The following RSF1 variants were observed in gnomAD, a reference collection of about 807,000 sequenced individuals.
RSF1 encodes HBV pX-associated protein 8.
In RSF1, 13 loss-of-function variants were observed where a neutral mutation model predicts 145.2. The ratio of observed to expected loss-of-function variants is 0.09; its 90% CI spans 0.06 to 0.14. The LOEUF is 0.14. Ranked by LOEUF, RSF1 falls within the 10% of genes least tolerant of loss-of-function variation. The probability of loss-of-function intolerance (pLI) is 1.00; values close to 1 mark genes in which losing one functional copy is unlikely to be tolerated. For missense variants in RSF1, 1,517 were observed against 1,718.2 expected (o/e 0.88, Z 2.07); for synonymous variants, 577 against 592.6 (o/e 0.97, Z 0.38).
In RSF1 at chr11:77,820,706, C is replaced by T. The variant is rs757961545; in HGVS notation, c.9G>A (p.Thr3=). 3.2e-5 allele frequency: 50 copies of T among 1,548,948 alleles called. No homozygotes were observed. Among genetic ancestry groups the T allele is most frequent in the Non-Finnish European group, 4.0e-5 (46 of 1,147,352 alleles). The change falls in exon 1 of 16, where the codon ACG becomes ACA. Residue 3 remains threonine, a synonymous_variant. Coordinates refer to ENST00000308488, the MANE Select transcript of RSF1 (RefSeq NM_016578.4). ...CCATCACCGCCGCCGCTGCCGCCGC[C>T]GTCGCCATTTTGAACTGGAGGATGG... MA[T]AAAAAAVMAP...
At chr11:77,681,485 G>A (rs1959860219) in intron 11 of RSF1, among the ~76,000 whole-genome samples, 1 of 151,822 alleles carries the variant, frequency 6.6e-6, no homozygotes, top group African/African-American at 2.4e-5. Flanking sequence ...TCTCTATGAT[G>A]CCCAGGATGG....
chr11:77,770,439 A>G (rs1948271048), intron 1 of RSF1, among the ~76,000 whole-genome samples: 1 of 152,270 alleles, frequency 6.6e-6, no homozygotes, highest in African/African-American at 2.4e-5. Context: ...TAGGTGACAG[A>G]GTGAGACTCC....
At chr11:77,800,753 A>G (rs946845731) in intron 1 of RSF1, among the ~76,000 whole-genome samples, 2 of 152,128 alleles carry the variant, frequency 1.3e-5, no homozygotes, top group African/African-American at 4.8e-5. Context: ...TCCCAGCTAC[A>G]CAACAGGCTG....
In RSF1 at chr11:77,701,057, T is replaced by A; in HGVS notation, c.2172A>T (p.Ile724=). 1 of 1,613,876 alleles carries A rather than the reference T, an allele frequency of 6.2e-7. No individual in the cohort carries two copies. Among genetic ancestry groups the A allele is most frequent in the Non-Finnish European group, 8.5e-7 (1 of 1,180,012 alleles). ...EETTASENTE[I]TSERQKEGIK... ...TGCCCTCTTTCTGCCTTTCAGAGGT[T>A]ATCTCTGTATTTTCTGAGGCAGTGG... Residue 724 remains isoleucine, a synonymous_variant, in exon 6 of 16, where the codon ATA becomes ATT. Coordinates refer to ENST00000308488, the MANE Select transcript of RSF1 (RefSeq NM_016578.4).
intron 1 of RSF1, among the ~76,000 whole-genome samples, chr11:77,807,549 T>C (rs1316463200): frequency 3.3e-5 from 5 of 152,094 alleles, no homozygotes; most frequent in South Asian, 2.1e-4. Context: ...CAAAAGACCA[T>C]GCAAAGTAAA....
Position 77,675,301 on chromosome 11 carries a change from T to G in RSF1, c.3342-45A>C, listed in dbSNP as rs763435255. ...TAAAATACAATGGTATTTAGAAGAGTGAACCCATTTTTAAGAGTTCTGAGT... is the reference window on the plus strand; with the variant it reads ...TAAAATACAATGGTATTTAGAAGAGGGAACCCATTTTTAAGAGTTCTGAGT... On this transcript the variant is annotated intron_variant, in intron 13 of 15. Coordinates refer to ENST00000308488, the MANE Select transcript of RSF1 (RefSeq NM_016578.4). 3 of 1,498,844 alleles carry G rather than the reference T, an allele frequency of 2.0e-6. No individual in the cohort carries two copies. The African/African-American group carries it at 4.2e-5, about 21-fold the overall frequency. The allele number at this position is 1,498,844 out of a possible 1,614,324, so 92.8% of individuals were successfully genotyped here. A position where few individuals can be genotyped will look rare whatever the true frequency, so the allele number is the denominator to read the frequency against.
At chr11:77,756,293 G>A (rs1225662556) in intron 2 of RSF1, among the ~76,000 whole-genome samples, 1 of 151,084 alleles carries the variant, frequency 6.6e-6, no homozygotes, top group Non-Finnish European at 1.5e-5. Context: ...AGGAGGCAGA[G>A]GTTGCAGTGA....
chr11:77,681,202 T>C (rs1959850623), intron 11 of RSF1, among the ~76,000 whole-genome samples: 1 of 152,222 alleles, frequency 6.6e-6, no homozygotes, highest in Admixed American at 6.5e-5. Flanking sequence ...TCATCTGTCA[T>C]GGTGGATTAA....
At chr11:77,853,126 G>T in the RSF1 span, among the ~76,000 whole-genome samples, 2 of 152,104 alleles carry the variant, frequency 1.3e-5, no homozygotes, top group African/African-American at 2.4e-5. Flanking sequence ...TCCCCTTTTT[G>T]GGGGTTGTAC....
chr11:77,789,773 C>T (rs915200819), intron 1 of RSF1, among the ~76,000 whole-genome samples: 1 of 152,212 alleles, frequency 6.6e-6, no homozygotes, highest in Admixed American at 6.5e-5. Context: ...TGAGGATAAG[C>T]CCTTCTGGCC....
At chr11:77,713,645 C>A (rs926025205) in intron 5 of RSF1, among the ~76,000 whole-genome samples, 2 of 152,120 alleles carry the variant, frequency 1.3e-5, no homozygotes, top group Non-Finnish European at 2.9e-5. Context: ...ATCTTCTTTG[C>A]CTATTTTCAG....
At chr11:77,757,553 C>T (rs1948127985) in intron 2 of RSF1, among the ~76,000 whole-genome samples, 1 of 152,170 alleles carries the variant, frequency 6.6e-6, no homozygotes, top group African/African-American at 2.4e-5. Context: ...TGGTGCATGC[C>T]TGTAATCCCA....
At chr11:77,783,629 C>T (rs1034578209) in intron 1 of RSF1, among the ~76,000 whole-genome samples, 3 of 152,010 alleles carry the variant, frequency 2.0e-5, no homozygotes, top group African/African-American at 7.3e-5. Context: ...ATTGCTTGAG[C>T]CCAGGAGTTT....
intron 15 of RSF1, 89 bp downstream of exon 15, chr11:77,671,953 G>T (rs1959564507): frequency 2.5e-6 from 3 of 1,222,812 alleles, no homozygotes; most frequent in Non-Finnish European, 3.4e-6. Flanking sequence ...GAGTTTCAAA[G>T]AATGGTACAG....
chr11:77,740,292 T>C (rs1244172965), intron 4 of RSF1, among the ~76,000 whole-genome samples: 2 of 152,198 alleles, frequency 1.3e-5, no homozygotes, highest in African/African-American at 2.4e-5. Flanking sequence ...GGAGAATTGC[T>C]TGAACCTGGG....
rs201698319 is a variant in RSF1 at position 77,690,039 on chromosome 11, G to C, written c.2900+1120C>G. Among the ~76,000 whole-genome samples the C allele has an allele frequency of 2.6e-5, 4 of 151,968 alleles. No individual in the cohort carries two copies. The East Asian group carries it at 5.8e-4, about 22-fold the overall frequency. On this transcript the variant is annotated intron_variant, in intron 9 of 15. Transcript: ENST00000308488. ...TAGCCAGGCGTGGTGGCGGGTGCCT[G>C]TAGTCCCAGCTACTCAGGAGGCTGA...
At chr11:77,842,773 G>A in the RSF1 span, 2 of 1,162,934 alleles carry the variant, frequency 1.7e-6, no homozygotes, top group South Asian at 3.0e-5. Flanking sequence ...CCCTTTTAAA[G>A]TATGCAATTC....
chr11:77,804,293 G>A (rs935998870), intron 1 of RSF1, among the ~76,000 whole-genome samples: 4 of 152,140 alleles, frequency 2.6e-5, no homozygotes, highest in African/African-American at 9.7e-5. Context: ...CTTGAGTTCT[G>A]TGAGTCATTC....
At chr11:77,702,668 A>T in intron 5 of RSF1, 173 bp from the exon 6 acceptor site, 1 of 416,056 alleles carries the variant, frequency 2.4e-6, no homozygotes, top group Non-Finnish European at 4.1e-6. Flanking sequence ...AATTACAAAA[A>T]CTTTGAGATA....
Sources: gnomAD v4.1 joint callset for allele counts (sites outside exome capture counted in the v4.1 genomes callset) on GRCh38, gnomAD v4.1.1 for gene constraint, MANE v1.5 for transcripts, NCBI Gene and HGNC (gene_info 2026-07-23, HGNC 2026-07-21) for gene names.